ANKAR: variants seen among roughly 807,000 people sequenced by gnomAD.
ANKAR encodes ankyrin and armadillo repeat containing.
A neutral mutation model predicts 146.2 loss-of-function variants in ANKAR; 136 were observed. The ratio of observed to expected loss-of-function variants is 0.93; its 90% CI spans 0.81 to 1.07. The LOEUF is 1.07. ANKAR is among the 50% of genes least tolerant of loss of function. ANKAR has a pLI of 0.00. For missense variants in ANKAR, 1,567 were observed against 1,679.9 expected (o/e 0.93, Z 1.18); for synonymous variants, 500 against 575.8 (o/e 0.87, Z 1.88).
chr2:189,705,941 C>A (rs2038870510), intron 8 of ANKAR, among the ~76,000 whole-genome samples: 2 of 151,734 alleles, frequency 1.3e-5, no homozygotes, highest in African/African-American at 2.4e-5. Context: ...TTTGAGTAAC[C>A]TTTCCACTAT....
chr2:189,705,039 C>T lies in ANKAR; in HGVS notation c.1725C>T (p.His575=), dbSNP rs749047631. The T allele has an allele frequency of 5.0e-6, 8 of 1,613,984 alleles. No individual in the cohort carries two copies. In the Admixed American group the frequency reaches 6.7e-5, roughly 13 times the overall value. ...VTFSQGPTPL[H]LAAQACSLET... is the part of the protein sequence containing the mutation. ...CCATTCTAGGTCCAACACCTCTACA[C>T]CTTGCTGCACAGGCTTGCTCATTAG... is the stretch of plus-strand genomic sequence containing the variant. The change falls in exon 8 of 23, where the codon CAC becomes CAT. Residue 575 remains histidine, a synonymous_variant. Transcript: ENST00000684021.
At chr2:189,730,837 T>A (rs1327028754) in intron 16 of ANKAR, among the ~76,000 whole-genome samples, 1 of 152,222 alleles carries the variant, frequency 6.6e-6, no homozygotes, top group Non-Finnish European at 1.5e-5. Flanking sequence ...AAATAGGGTT[T>A]CTTCAAATAT....
intron 10 of ANKAR, among the ~76,000 whole-genome samples, chr2:189,716,545 C>T (rs1197277372): frequency 1.3e-5 from 2 of 152,018 alleles, no homozygotes; most frequent in Non-Finnish European, 2.9e-5. Flanking sequence ...GTGCCATCCC[C>T]ATCAAGCTAC....
chr2:189,699,009 T>C (rs537420902), intron 7 of ANKAR, among the ~76,000 whole-genome samples: 1 of 152,334 alleles, frequency 6.6e-6, no homozygotes, highest in South Asian at 2.1e-4. Context: ...TTTATTTAGT[T>C]AGTTAGTCTC....
In ANKAR at chr2:189,696,487, G is replaced by A. The variant is rs935277963; in HGVS notation, c.1708+118G>A. 22 of 921,978 alleles carry A rather than the reference G, an allele frequency of 2.4e-5. No homozygotes were observed. The African/African-American group carries it at 2.5e-4, about 11-fold the overall frequency. 57.1% of individuals were successfully genotyped at this position (921,978 alleles called of 1,614,324 possible). On this transcript the variant is annotated intron_variant, in intron 7 of 22. Transcript: ENST00000684021. ...TTGGTATTAACTAGAGCAAAGTTGA[G>A]GTTTTTGTTTCATTTATCTAAGAAA... is the stretch of plus-strand genomic sequence containing the variant.
At chr2:189,699,083 C>T (rs184438814) in intron 7 of ANKAR, among the ~76,000 whole-genome samples, 528 of 152,288 alleles carry the variant, frequency 3.5e-3, no homozygotes, top group Non-Finnish European at 6.2e-3. Flanking sequence ...GCCACAGTTT[C>T]CTAACACCCA....
intron 18 of ANKAR, chr2:189,755,123 TG>T: frequency 6.4e-7 from 1 of 1,573,094 alleles, no homozygotes; most frequent in Middle Eastern, 1.7e-4. Flanking sequence ...GCTACTTAGT[TG>T]AAATGGACAA....
intron 22 of ANKAR, among the ~76,000 whole-genome samples, chr2:189,745,577 C>T (rs2044038053): frequency 6.6e-6 from 1 of 152,136 alleles, no homozygotes; most frequent in South Asian, 2.1e-4. Flanking sequence ...TTATCCCTTC[C>T]TATTAGATAT....
intron 18 of ANKAR, among the ~76,000 whole-genome samples, chr2:189,751,785 A>C (rs1032313263): frequency 1.3e-5 from 2 of 151,052 alleles, no homozygotes; most frequent in African/African-American, 4.9e-5. Context: ...AACAGTGTTC[A>C]AAATATAATT....
intron 4 of ANKAR, 26 bp downstream of exon 4, chr2:189,692,444 T>G (rs1313652311): frequency 6.3e-7 from 1 of 1,583,394 alleles, no homozygotes; most frequent in Non-Finnish European, 8.6e-7. Context: ...CCTTAGACAA[T>G]TTATCATTTC....
At chr2:189,735,180 A>G (rs2042739088) in intron 17 of ANKAR, among the ~76,000 whole-genome samples, 1 of 151,924 alleles carries the variant, frequency 6.6e-6, no homozygotes, top group South Asian at 2.1e-4. Context: ...TTTGTTACAC[A>G]TTCCACTCTC....
At chr2:189,676,363 G>A (rs577678603) in intron 1 of ANKAR, 93 bp from the exon 2 acceptor site, 3 of 1,113,104 alleles carry the variant, frequency 2.7e-6, no homozygotes, top group East Asian at 2.6e-5. Context: ...TTAATCTTAT[G>A]TAGGTGAAAG....
At position 189,693,137 on chromosome 2, in the gene ANKAR, G is replaced by C; in HGVS notation, c.1267G>C (p.Glu423Gln). 2.6e-6 allele frequency: 4 copies of C among 1,563,018 alleles called. No individual in the cohort carries two copies. Among genetic ancestry groups the C allele is most frequent in the Non-Finnish European group, 3.5e-6 (4 of 1,152,872 alleles). ...NTFIEDSGYK[E>Q]YYSIPVMEFH... ...ATTTATAGAAGATTCAGGATATAAA[G>C]AATATTACTCAATACCAGTCATGGA... Residue 423 changes from glutamate to glutamine, a missense_variant, in exon 5 of 23, where the codon GAA becomes CAA. Physicochemically the swap from Glu to Gln is conservative, Grantham distance 29. Transcript: ENST00000684021.
At chr2:189,731,585 T>C (rs2105849915) in intron 16 of ANKAR, among the ~76,000 whole-genome samples, 1 of 152,234 alleles carries the variant, frequency 6.6e-6, no homozygotes, top group East Asian at 1.9e-4. Context: ...GTGGCCAGGC[T>C]GGTCTTGAAT....
At chr2:189,728,614 A>T in intron 14 of ANKAR, 46 bp from the exon 15 acceptor site, 1 of 1,593,804 alleles carries the variant, frequency 6.3e-7, no homozygotes, top group South Asian at 1.1e-5. Context: ...ATAATGTAGA[A>T]CAGGGCACTG....
rs1261245068 is a variant in ANKAR, at chr2:189,737,818, G to A, written c.3559G>A (p.Glu1187Lys). ...TTTTCTTGAATCAACAGTTGAAACT[G>A]AGAAGGCAATGGCAGCATTTCAGGT... ...ERFLESTVET[E>K]KAMAAFQIVV... Residue 1187 changes from glutamate to lysine, a missense_variant, in exon 18 of 23, where the codon GAG becomes AAG. Transcript: ENST00000684021. 1 of 1,570,260 alleles carries A rather than the reference G, an allele frequency of 6.4e-7. No homozygotes were observed. The highest frequency in any genetic ancestry group is 8.6e-7 in the Non-Finnish European group (1 of 1,165,336).
In ANKAR at chr2:189,676,593, T is replaced by C; in HGVS notation, c.103T>C (p.Phe35Leu). The C allele has an allele frequency of 1.2e-6, 2 of 1,613,240 alleles. No homozygotes were observed. Among genetic ancestry groups the C allele is most frequent in the Non-Finnish European group, 1.7e-6 (2 of 1,179,890 alleles). ...AATACAAAGAAATGCATCTGCTTTTTTTGAAAAATATGATCGGAGTGAAAT... is the reference window on the plus strand; with the variant it reads ...AATACAAAGAAATGCATCTGCTTTTCTTGAAAAATATGATCGGAGTGAAAT... ...LAIQRNASAF[F>L]EKYDRSEIQE... Residue 35 changes from phenylalanine (F) to leucine (L), a missense_variant, in exon 2 of 23, where the codon TTT becomes CTT. Phe to Leu is a conservative substitution (Grantham distance 22, BLOSUM62 0). Coordinates refer to ENST00000684021, the MANE Select transcript of ANKAR (RefSeq NM_001378068.1).
intron 10 of ANKAR, among the ~76,000 whole-genome samples, chr2:189,716,948 A>C (rs1308333007): frequency 6.6e-6 from 1 of 152,204 alleles, no homozygotes; most frequent in African/African-American, 2.4e-5. Flanking sequence ...TTCAAGATGG[A>C]TTAAAGACTT....
At chr2:189,688,532 C>G (rs745388108) in intron 2 of ANKAR, among the ~76,000 whole-genome samples, 2 of 152,076 alleles carry the variant, frequency 1.3e-5, no homozygotes, top group Non-Finnish European at 2.9e-5. Flanking sequence ...TGCAATGAAT[C>G]TGTATATTTC....
Sources: allele counts gnomAD v4.1 joint callset (sites outside exome capture counted in the v4.1 genomes callset), GRCh38; gene constraint gnomAD v4.1.1; transcripts MANE v1.5; gene names NCBI Gene and HGNC (gene_info 2026-07-23, HGNC 2026-07-21).